Variants in ZC3H12B observed in about 807,000 individuals in gnomAD.
ZC3H12B encodes probable ribonuclease ZC3H12B.
Under a neutral mutation model 43.9 loss-of-function variants are expected in ZC3H12B, and 7 were observed. The observed-to-expected ratio is 0.16, with a 90% CI of 0.09 to 0.30. The LOEUF is 0.30. Ranked by LOEUF, ZC3H12B falls within the 10% of genes least tolerant of loss-of-function variation. The pLI, the probability that ZC3H12B is intolerant of heterozygous loss-of-function variation, is 1.00. For missense variants in ZC3H12B, 475 were observed against 670.2 expected, an observed-to-expected ratio of 0.71 and a Z score of 3.22; for synonymous variants, 222 against 241.7, an observed-to-expected ratio of 0.92 and a Z score of 0.76.
At chrX:65,498,196 C>T (rs1011587112) in intron 2 of ZC3H12B, among the ~76,000 whole-genome samples, 1 of 112,051 alleles carries the variant, frequency 8.9e-6, no homozygotes, top group Non-Finnish European at 1.9e-5. Context: ...TAAGCCACCA[C>T]GCCCAGCCAA....
At chrX:65,130,103 T>G in the ZC3H12B span, among the ~76,000 whole-genome samples, 2 of 111,289 alleles carry the variant, frequency 1.8e-5, no homozygotes, top group African/African-American at 6.6e-5. Flanking sequence ...GGTTGGCAAG[T>G]TTTTGGGCTC....
At chrX:65,125,602 C>T in the ZC3H12B span, among the ~76,000 whole-genome samples, 1 of 110,419 alleles carries the variant, frequency 9.1e-6, no homozygotes, top group African/African-American at 3.3e-5. Context: ...TATTGTGTTG[C>T]CATCTATCTC....
chrX:65,115,655 C>T, the ZC3H12B span, among the ~76,000 whole-genome samples: 3 of 111,487 alleles, frequency 2.7e-5, no homozygotes, highest in Non-Finnish European at 3.8e-5. Flanking sequence ...GTGGTTCTAC[C>T]AGTTTACATT....
chrX:65,226,700 A>G, the ZC3H12B span, among the ~76,000 whole-genome samples: 2 of 111,476 alleles, frequency 1.8e-5, no homozygotes, highest in Admixed American at 1.9e-4. Context: ...TACCAAGCAA[A>G]TGGAAAACAA....
the ZC3H12B span, among the ~76,000 whole-genome samples, chrX:65,294,195 TATCTTTAGC>T: frequency 8.9e-6 from 1 of 111,900 alleles, no homozygotes; most frequent in Non-Finnish European, 1.9e-5. Flanking sequence ...ATTGAGGTCC[TATCTTTAGC>T]ATCTTTAAAC....
At chrX:65,453,386 AT>A (rs2067549688) in intron 3 of ZC3H12B, among the ~76,000 whole-genome samples, 1 of 86,377 alleles carries the variant, frequency 1.2e-5, no homozygotes, top group Non-Finnish European at 2.3e-5. Flanking sequence ...ATATATATAT[AT>A]ATATATATAT....
chrX:65,448,033 C>T (rs2067402731), intron 3 of ZC3H12B, among the ~76,000 whole-genome samples: 1 of 110,698 alleles, frequency 9.0e-6, no homozygotes, highest in Non-Finnish European at 1.9e-5. Flanking sequence ...GAGATCGAGA[C>T]CATCCCGGCT....
At chrX:65,421,238 C>T (rs1171045163) in intron 3 of ZC3H12B, among the ~76,000 whole-genome samples, 1 of 112,154 alleles carries the variant, frequency 8.9e-6, no homozygotes, top group East Asian at 2.8e-4. Flanking sequence ...TCTATGGATA[C>T]CAGTCAGCCT....
chrX:65,340,358 G>A, the ZC3H12B span, among the ~76,000 whole-genome samples: 1 of 111,986 alleles, frequency 8.9e-6, no homozygotes, highest in Non-Finnish European at 1.9e-5. Context: ...CAACAATCAT[G>A]CACCACATTG....
At chrX:65,286,132 A>T in the ZC3H12B span, among the ~76,000 whole-genome samples, 1 of 111,991 alleles carries the variant, frequency 8.9e-6, no homozygotes, top group African/African-American at 3.2e-5. Context: ...ACATATGAAT[A>T]TTCACAATAG....
At chrX:65,405,390 C>G (rs1318676491) in intron 3 of ZC3H12B, among the ~76,000 whole-genome samples, 1 of 112,311 alleles carries the variant, frequency 8.9e-6, no homozygotes, top group Non-Finnish European at 1.9e-5. Flanking sequence ...GAGGCCGAGG[C>G]AGGCGGATCA....
At chrX:65,152,578 TAA>T in the ZC3H12B span, among the ~76,000 whole-genome samples, 14 of 110,776 alleles carry the variant, frequency 1.3e-4, no homozygotes, top group African/African-American at 4.3e-4. Context: ...CTCAATGAAA[TAA>T]AAGAGGATAC....
At chrX:65,326,868 T>A in the ZC3H12B span, among the ~76,000 whole-genome samples, 1 of 111,367 alleles carries the variant, frequency 9.0e-6, no homozygotes, top group Non-Finnish European at 1.9e-5. Context: ...CACAGATATA[T>A]GAAAAAGCCC....
chrX:65,219,625 G>A, the ZC3H12B span, among the ~76,000 whole-genome samples: 11 of 111,470 alleles, frequency 9.9e-5, no homozygotes, highest in African/African-American at 3.6e-4. Flanking sequence ...TGTAAAAAAT[G>A]TAAAAAGCCT....
the ZC3H12B span, among the ~76,000 whole-genome samples, chrX:65,057,887 CT>C: frequency 3.6e-5 from 4 of 112,146 alleles, no homozygotes; most frequent in African/African-American, 1.3e-4. Context: ...GCTACTGAAG[CT>C]TGTGTGTTCA....
the ZC3H12B span, among the ~76,000 whole-genome samples, chrX:65,236,687 A>C: frequency 8.9e-6 from 1 of 112,117 alleles, no homozygotes; most frequent in Non-Finnish European, 1.9e-5. Context: ...TGGGTTTTAC[A>C]TTTAAGTCTT....
the ZC3H12B span, among the ~76,000 whole-genome samples, chrX:65,290,627 G>T: frequency 9.0e-6 from 1 of 110,997 alleles, no homozygotes; most frequent in Non-Finnish European, 1.9e-5. Flanking sequence ...ATAGATGAAT[G>T]GGCAAAGAAA....
At chrX:65,081,292 A>G in the ZC3H12B span, among the ~76,000 whole-genome samples, 1 of 111,440 alleles carries the variant, frequency 9.0e-6, no homozygotes, top group Non-Finnish European at 1.9e-5. Flanking sequence ...ATCAATAATA[A>G]CATCAAATGT....
intron 3 of ZC3H12B, among the ~76,000 whole-genome samples, chrX:65,445,746 T>A (rs1167663270): frequency 8.9e-6 from 1 of 112,417 alleles, no homozygotes; most frequent in Non-Finnish European, 1.9e-5. Context: ...GGATGGCATA[T>A]TCTGTTAATG....
Sources: gnomAD v4.1 joint callset for allele counts (sites outside exome capture counted in the v4.1 genomes callset) on GRCh38, gnomAD v4.1.1 for gene constraint, MANE v1.5 for transcripts, NCBI Gene and HGNC (gene_info 2026-07-23, HGNC 2026-07-21) for gene names.